SPATA17: variants seen among roughly 807,000 people sequenced by gnomAD.
The protein encoded by SPATA17 is spermatogenesis-associated protein 17.
SPATA17 carries 53 observed loss-of-function variants against 62.2 expected under a neutral mutation model. The observed-to-expected ratio is 0.85, with a 90% CI of 0.68 to 1.07. The LOEUF (loss-of-function observed/expected upper bound fraction) is 1.07. Among genes scored for constraint, SPATA17 ranks in the 50% least tolerant of loss-of-function variants. SPATA17 has a pLI of 0.00. For missense variants in SPATA17, 466 were observed against 425.5 expected (o/e 1.10, Z -0.84); for synonymous variants, 146 against 146.8 (o/e 0.99, Z 0.04).
At chr1:217,668,985 G>A in intron 3 of SPATA17, 48 bp from the exon 4 acceptor site, 3 of 1,507,104 alleles carry the variant, frequency 2.0e-6, no homozygotes, top group Non-Finnish European at 2.8e-6. Flanking sequence ...AGGCTGCACT[G>A]TCTTTGTGTA....
chr1:217,675,876 G>T (rs1404207701), intron 4 of SPATA17, among the ~76,000 whole-genome samples: 1 of 152,042 alleles, frequency 6.6e-6, no homozygotes, highest in Non-Finnish European at 1.5e-5. Context: ...GCCATTGCTG[G>T]TCACTTTTAA....
chr1:217,776,736 C>T (rs573259012), intron 7 of SPATA17, among the ~76,000 whole-genome samples: 33 of 150,926 alleles, frequency 2.2e-4, no homozygotes, highest in Admixed American at 1.2e-3. Flanking sequence ...AAGGCTCAGA[C>T]GGAGGGTGGG....
intron 8 of SPATA17, among the ~76,000 whole-genome samples, chr1:217,787,330 T>C (rs1030158519): frequency 1.3e-5 from 2 of 152,168 alleles, no homozygotes; most frequent in African/African-American, 4.8e-5. Flanking sequence ...AATGGCTTTT[T>C]ATTGCCTCTA....
At chr1:217,784,571 C>T (rs1272357807) in intron 8 of SPATA17, among the ~76,000 whole-genome samples, 5 of 151,994 alleles carry the variant, frequency 3.3e-5, no homozygotes, top group Non-Finnish European at 7.4e-5. Context: ...ATTTTCCTGT[C>T]TGTAAGATGA....
At chr1:217,830,247 T>TC (rs1675102813) in intron 9 of SPATA17, among the ~76,000 whole-genome samples, 1 of 152,050 alleles carries the variant, frequency 6.6e-6, no homozygotes, top group Non-Finnish European at 1.5e-5. Flanking sequence ...TTTTGGTAAA[T>TC]CCCCAAGTTG....
chr1:217,751,753 T>A (rs1331871268), intron 6 of SPATA17, among the ~76,000 whole-genome samples: 1 of 152,158 alleles, frequency 6.6e-6, no homozygotes, highest in African/African-American at 2.4e-5. Context: ...CTACCTCACA[T>A]CTAAGAAAGA....
chr1:217,657,227 C>A (rs527440709), intron 3 of SPATA17, among the ~76,000 whole-genome samples: 1 of 152,166 alleles, frequency 6.6e-6, no homozygotes, highest in African/African-American at 2.4e-5. Context: ...GTTTTAGCCA[C>A]CTCCCAGAAG....
chr1:217,656,602 G>A (rs1297083788), intron 3 of SPATA17, among the ~76,000 whole-genome samples: 1 of 150,930 alleles, frequency 6.6e-6, no homozygotes, highest in Non-Finnish European at 1.5e-5. Context: ...TTGCCATTGT[G>A]TACACACTGC....
chr1:217,817,737 G>C lies in SPATA17; in HGVS notation c.1005+15887G>C, dbSNP rs1365903573. Among the ~76,000 whole-genome samples, 4 of 152,054 alleles carry C rather than the reference G, an allele frequency of 2.6e-5. No individual in the cohort carries two copies. The East Asian group carries it at 5.8e-4, about 22-fold the overall frequency. ...CCTTTAAATGGGCTATATTACGTAA[G>C]TCTAATATTTTTCTTCTAGGTACAA... is the stretch of plus-strand genomic sequence containing the variant. On this transcript the variant is annotated intron_variant, in intron 9 of 10. Coordinates refer to ENST00000366933, the MANE Select transcript of SPATA17 (RefSeq NM_138796.4).
chr1:217,689,606 C>A (rs747358072), intron 5 of SPATA17, among the ~76,000 whole-genome samples: 1 of 152,130 alleles, frequency 6.6e-6, no homozygotes, highest in Non-Finnish European at 1.5e-5. Context: ...AAATCTCTGA[C>A]TTTCAGAGAT....
chr1:217,774,385 C>T lies in SPATA17; in HGVS notation c.571C>T (p.Leu191=), dbSNP rs760720552. 1 of 1,614,010 alleles carries T rather than the reference C, an allele frequency of 6.2e-7. No homozygotes were observed. The highest frequency in any genetic ancestry group is 1.1e-5 in the South Asian group (1 of 91,080). Residue 191 remains leucine, a synonymous_variant, in exon 7 of 11, where the codon CTG becomes TTG. Transcript: ENST00000366933. Reference sequence around the variant, plus strand: ...CAGAAAAGAGCCTGATCCATGGGAGCTGCAATTACAGAAGGCAAAGCCTTT... The same window carrying T: ...CAGAAAAGAGCCTGATCCATGGGAGTTGCAATTACAGAAGGCAAAGCCTTT... ...PFRKEPDPWE[L]QLQKAKPLTH...
intron 4 of SPATA17, among the ~76,000 whole-genome samples, chr1:217,669,469 G>T (rs959051132): frequency 1.3e-5 from 2 of 152,118 alleles, no homozygotes; most frequent in Non-Finnish European, 2.9e-5. Context: ...TTATTCATAT[G>T]ATTTAACAGT....
At chr1:217,759,917 T>C (rs1287905608) in intron 6 of SPATA17, among the ~76,000 whole-genome samples, 2 of 152,206 alleles carry the variant, frequency 1.3e-5, no homozygotes, top group African/African-American at 4.8e-5. Flanking sequence ...TAAGTTGCTA[T>C]ACTGTCCTTA....
chr1:217,781,773 G>A (rs764107687), intron 7 of SPATA17, among the ~76,000 whole-genome samples: 1 of 152,070 alleles, frequency 6.6e-6, no homozygotes, highest in Non-Finnish European at 1.5e-5. Context: ...AAGGGCTGTT[G>A]GAAAGCTATG....
At chr1:217,656,592 T>A (rs986200417) in intron 3 of SPATA17, among the ~76,000 whole-genome samples, 3 of 142,008 alleles carry the variant, frequency 2.1e-5, no homozygotes, top group Non-Finnish European at 4.7e-5. Flanking sequence ...TTATTTATTT[T>A]TGCCATTGTG....
chr1:217,747,668 G>C (rs1312575589), intron 6 of SPATA17, among the ~76,000 whole-genome samples: 1 of 152,066 alleles, frequency 6.6e-6, no homozygotes, highest in South Asian at 2.1e-4. Flanking sequence ...TATTTTATTT[G>C]GTGTGGCATT....
intron 10 of SPATA17, chr1:217,866,515 C>T: frequency 6.6e-6 from 1 of 152,458 alleles, no homozygotes; most frequent in Non-Finnish European, 1.5e-5. Flanking sequence ...GGGTGGAATG[C>T]AGTGGCGTGA....
chr1:217,706,552 T>G (rs1314180116), intron 5 of SPATA17, among the ~76,000 whole-genome samples: 3 of 152,220 alleles, frequency 2.0e-5, no homozygotes, highest in Non-Finnish European at 4.4e-5. Flanking sequence ...TTCTTGCTCT[T>G]GCCTGCTGCC....
chr1:217,815,701 T>A (rs950468026), intron 9 of SPATA17, among the ~76,000 whole-genome samples: 1 of 152,154 alleles, frequency 6.6e-6, no homozygotes, highest in Non-Finnish European at 1.5e-5. Flanking sequence ...GTGGGTCTCA[T>A]TCAATAAGTT....
Sources: gnomAD v4.1 joint callset for allele counts (sites outside exome capture counted in the v4.1 genomes callset) on GRCh38, gnomAD v4.1.1 for gene constraint, MANE v1.5 for transcripts, NCBI Gene and HGNC (gene_info 2026-07-23, HGNC 2026-07-21) for gene names.